The following TSPEAR variants were observed in gnomAD, a reference collection of about 807,000 sequenced individuals.
TSPEAR encodes thrombospondin-type laminin G domain and EAR repeat-containing protein.
TSPEAR carries 69 observed loss-of-function variants against 71.6 expected under a neutral mutation model. That is an observed-to-expected ratio of 0.96 (90% CI 0.79 to 1.18). The LOEUF (loss-of-function observed/expected upper bound fraction) is 1.18. Among genes scored for constraint, TSPEAR ranks in the 50% most tolerant of loss-of-function variants. TSPEAR has a pLI of 0.00. For synonymous variants in TSPEAR, 402 were observed against 387.2 expected, an observed-to-expected ratio of 1.04 and a Z score of -0.45; for missense variants, 971 against 894.9, an observed-to-expected ratio of 1.09 and a Z score of -1.09.
chr21:44,546,112 TAA>T lies in TSPEAR; in HGVS notation c.304-12191_304-12190del, dbSNP rs2053299844. On this transcript the variant is annotated intron_variant, in intron 2 of 11. Transcript: ENST00000323084. The surrounding 1 kb of genome is among the most constrained non-coding windows in gnomAD (Gnocchi z 4.4). ...GGGAATATCACTACTGACCTTACATTAATAAAAAGGATTATAAGGAATACTAT... is the reference window on the plus strand; with the variant it reads ...GGGAATATCACTACTGACCTTACATTTAAAAAGGATTATAAGGAATACTAT... Among the ~76,000 whole-genome samples the T allele has an allele frequency of 6.6e-6, 1 of 152,170 alleles. No individual in the cohort carries two copies. Among genetic ancestry groups the T allele is most frequent in the Non-Finnish European group, 1.5e-5 (1 of 68,028 alleles).
intron 9 of TSPEAR, 125 bp downstream of exon 9, chr21:44,521,758 G>A (rs1340646973): frequency 5.8e-5 from 52 of 894,340 alleles, no homozygotes; most frequent in Non-Finnish European, 8.7e-5. Context: ...TTGGGGTCAC[G>A]GGTGCAGAGC....
At position 44,600,694 on chromosome 21, in the gene TSPEAR, T is replaced by C. The variant is rs201051464; in HGVS notation, c.83-32689A>G. On this transcript the variant is annotated intron_variant, in intron 1 of 11. Coordinates refer to ENST00000323084, the MANE Select transcript of TSPEAR (RefSeq NM_144991.3). ...CAGCCGCGTCTGCCTTCCTGGTTCC[T>C]GTGACTCTTGCTCCGACTCCTGGCA... 453 of 1,613,694 alleles carry C rather than the reference T, an allele frequency of 2.8e-4. No homozygotes were observed. In the African/African-American group the frequency reaches 5.0e-3, roughly 18 times the overall value.
chr21:44,599,999 G>A (rs181531110), intron 1 of TSPEAR, among the ~76,000 whole-genome samples: 1 of 152,286 alleles, frequency 6.6e-6, no homozygotes, highest in African/African-American at 2.4e-5. Context: ...GGGGTGCACG[G>A]CCCCCCAGGA....
chr21:44,573,948 T>C, intron 1 of TSPEAR: 2 of 1,612,222 alleles, frequency 1.2e-6, no homozygotes, highest in Non-Finnish European at 1.7e-6. Flanking sequence ...GAGCCGTGTG[T>C]CCAGCCCCTG....
intron 11 of TSPEAR, among the ~76,000 whole-genome samples, chr21:44,503,812 G>C (rs1346968672): frequency 4.9e-5 from 7 of 141,834 alleles, no homozygotes; most frequent in East Asian, 2.1e-4. Context: ...GAGCCCTCGG[G>C]GGGAAGCAAG....
chr21:44,633,040 T>C (rs1555936005), intron 1 of TSPEAR, among the ~76,000 whole-genome samples: 2 of 151,128 alleles, frequency 1.3e-5, no homozygotes, highest in East Asian at 1.9e-4. Flanking sequence ...TATTCTCTTA[T>C]AGTCTTTTTT....
At chr21:44,663,143 T>G (rs1437823444) in intron 1 of TSPEAR, among the ~76,000 whole-genome samples, 2 of 149,446 alleles carry the variant, frequency 1.3e-5, no homozygotes, top group African/African-American at 4.9e-5. Context: ...TGGAAAAGAA[T>G]TCAATGAAAG....
chr21:44,522,487 G>A (rs141127138), intron 8 of TSPEAR, among the ~76,000 whole-genome samples: 5 of 152,290 alleles, frequency 3.3e-5, no homozygotes, highest in Non-Finnish European at 2.9e-5. Context: ...ACCTCTGCCC[G>A]GAGGCCCCTC....
chr21:44,694,494 G>A (rs1987247496), intron 1 of TSPEAR, among the ~76,000 whole-genome samples: 1 of 152,118 alleles, frequency 6.6e-6, no homozygotes, highest in Admixed American at 6.5e-5. Context: ...GAACAGTGGT[G>A]GTGGTTGCAC....
At chr21:44,685,394 C>A (rs1225261446) in intron 1 of TSPEAR, among the ~76,000 whole-genome samples, 5 of 152,018 alleles carry the variant, frequency 3.3e-5, no homozygotes, top group Non-Finnish European at 5.9e-5. Context: ...AGTTCAGGGG[C>A]ATCCTGGAAT....
chr21:44,697,740 A>G (rs782611340), intron 1 of TSPEAR: 1 of 1,613,870 alleles, frequency 6.2e-7, no homozygotes, highest in Non-Finnish European at 8.5e-7. Context: ...TCTAGCTGCC[A>G]GCCAGCTTGC....
intron 1 of TSPEAR, among the ~76,000 whole-genome samples, chr21:44,629,324 C>T (rs782103118): frequency 1.1e-4 from 17 of 152,180 alleles, no homozygotes; most frequent in Non-Finnish European, 2.1e-4. Flanking sequence ...GGGTCCCTCA[C>T]AGTCCTGGGG....
At chr21:44,517,017 C>A (rs2052594992) in intron 9 of TSPEAR, among the ~76,000 whole-genome samples, 1 of 152,200 alleles carries the variant, frequency 6.6e-6, no homozygotes, top group Admixed American at 6.5e-5. Context: ...CACAGGAAGG[C>A]CGTCCTGGCC....
At chr21:44,579,555 G>A (rs1978726447) in intron 1 of TSPEAR, 1 of 644,902 alleles carries the variant, frequency 1.6e-6, no homozygotes, top group South Asian at 2.0e-5. Context: ...AGGGAGGACA[G>A]GGGACCCAAC....
At chr21:44,683,793 T>A (rs940300164) in intron 1 of TSPEAR, among the ~76,000 whole-genome samples, 1 of 152,230 alleles carries the variant, frequency 6.6e-6, no homozygotes, top group African/African-American at 2.4e-5. Context: ...ATTATAGACA[T>A]CTTCCAAAAA....
chr21:44,509,004 A>T (rs2052277093), intron 10 of TSPEAR, 195 bp downstream of exon 10: 2 of 1,505,236 alleles, frequency 1.3e-6, no homozygotes, highest in African/African-American at 1.4e-5. Flanking sequence ...TCAGGGCGGC[A>T]CTGACTTCCC....
chr21:44,621,455 G>A (rs1982429479), intron 1 of TSPEAR, among the ~76,000 whole-genome samples: 1 of 152,208 alleles, frequency 6.6e-6, no homozygotes, highest in Admixed American at 6.5e-5. Context: ...CCGCCGATCA[G>A]TCTGCTCCAG....
At chr21:44,553,695 C>CT (rs1748369492) in intron 2 of TSPEAR, among the ~76,000 whole-genome samples, 2 of 149,602 alleles carry the variant, frequency 1.3e-5, no homozygotes, top group Admixed American at 1.3e-4. Flanking sequence ...AGTAGAAGAA[C>CT]TTAATGAATT....
chr21:44,702,562 A>G (rs1463602768), intron 1 of TSPEAR: 23 of 1,609,362 alleles, frequency 1.4e-5, no homozygotes, highest in Middle Eastern at 1.7e-4. Context: ...CCAGCAGTCT[A>G]GCTGCCAGCC....
Sources: allele counts gnomAD v4.1 joint callset (sites outside exome capture counted in the v4.1 genomes callset), GRCh38; gene constraint gnomAD v4.1.1; non-coding constraint Gnocchi (gnomAD v3.1); transcripts MANE v1.5; gene names NCBI Gene and HGNC (gene_info 2026-07-23, HGNC 2026-07-21).